The following ESRRB variants were observed in gnomAD, a reference collection of about 807,000 sequenced individuals.
ESRRB encodes steroid hormone receptor ERR2.
In ESRRB, 16 loss-of-function variants were observed where a neutral mutation model predicts 46.0. The ratio of observed to expected loss-of-function variants is 0.35; its 90% CI spans 0.24 to 0.53. The LOEUF (loss-of-function observed/expected upper bound fraction) is 0.53, where lower values mean the gene tolerates loss of function less well. Among genes scored for constraint, ESRRB ranks in the 20% least tolerant of loss-of-function variants. ESRRB has a pLI of 0.93. For missense variants in ESRRB, 488 were observed against 607.4 expected, an observed-to-expected ratio of 0.80 and a Z score of 2.07; for synonymous variants, 246 against 259.6, an observed-to-expected ratio of 0.95 and a Z score of 0.50.
intron 2 of ESRRB, among the ~76,000 whole-genome samples, chr14:76,456,172 A>G (rs1246371100): frequency 6.6e-6 from 1 of 152,160 alleles, no homozygotes; most frequent in East Asian, 1.9e-4. Flanking sequence ...TGAGTCTTCA[A>G]TGCCTGACAC....
intron 1 of ESRRB, among the ~76,000 whole-genome samples, chr14:76,318,846 C>T (rs1452817367): frequency 1.3e-5 from 2 of 152,208 alleles, no homozygotes; most frequent in African/African-American, 4.8e-5. Flanking sequence ...CCCCGGACAG[C>T]TTGCCAGTAT....
chr14:76,374,804 G>T (rs137969226), upstream of ESRRB, among the ~76,000 whole-genome samples: 2 of 152,072 alleles, frequency 1.3e-5, no homozygotes, highest in Non-Finnish European at 2.9e-5. Flanking sequence ...TGAGCCTTGC[G>T]CCCAGAGAAT....
chr14:76,500,647 G>C lies in ESRRB; in HGVS notation c.*2189G>C. On this transcript the variant is annotated 3_prime_UTR_variant, in exon 7 of 7. Coordinates refer to ENST00000644823, the MANE Select transcript of ESRRB (RefSeq NM_001379180.1). ...TTCCTGCTCAAGCTGGAGGACCCAG[G>C]CGGCAGGGCATCATGCCCAGCTGGC... The C allele has an allele frequency of 6.2e-7, 1 of 1,609,106 alleles. No homozygotes were observed. Among genetic ancestry groups the C allele is most frequent in the Non-Finnish European group, 8.5e-7 (1 of 1,175,956 alleles).
intron 1 of ESRRB, among the ~76,000 whole-genome samples, chr14:76,349,713 G>A (rs1398422849): frequency 6.6e-6 from 1 of 152,170 alleles, no homozygotes; most frequent in East Asian, 1.9e-4. Flanking sequence ...GTAGAGGCAG[G>A]TCATTTTGTC....
chr14:76,336,568 C>T (rs1394426098), intron 1 of ESRRB, among the ~76,000 whole-genome samples: 2 of 152,186 alleles, frequency 1.3e-5, no homozygotes, highest in Non-Finnish European at 2.9e-5. Context: ...ATGGCTGGGA[C>T]CTCCTGCTTC....
chr14:76,446,452 T>C (rs1427447445), intron 2 of ESRRB, among the ~76,000 whole-genome samples: 2 of 151,746 alleles, frequency 1.3e-5, no homozygotes, highest in East Asian at 3.9e-4. Context: ...CATAGACAGA[T>C]GAAGGCACCT....
In ESRRB at chr14:76,498,783, C is replaced by T. The variant is rs1049145777; in HGVS notation, c.*325C>T. ...GAGGCCACTGGAGCAAGTGCCCTCT[C>T]CCCTCCACCGAGCCACCAAGAGGCA... is the stretch of plus-strand genomic sequence containing the variant. On this transcript the variant is annotated 3_prime_UTR_variant, in exon 7 of 7. Coordinates refer to ENST00000644823, the MANE Select transcript of ESRRB (RefSeq NM_001379180.1). 2 of 649,818 alleles carry T rather than the reference C, an allele frequency of 3.1e-6. No homozygotes were observed. The highest frequency in any genetic ancestry group is 3.6e-5 in the African/African-American group (2 of 55,288). The allele number at this position is 649,818 out of a possible 1,614,324, so 40.3% of individuals were successfully genotyped here. A position where few individuals can be genotyped will look rare whatever the true frequency, so the allele number is the denominator to read the frequency against.
rs565196416 is a variant in ESRRB, at chr14:76,410,587, G to A, written c.51-28754G>A. Among the ~76,000 whole-genome samples the A allele has an allele frequency of 3.9e-4, 59 of 152,222 alleles. 1 individual carries two copies. Among genetic ancestry groups the A allele is most frequent in the Admixed American group, 2.7e-3 (42 of 15,288 alleles). ...CAGATGGAGAATGGAGGCACAGGTT[G>A]GTTAAGTGCCCACTGGTGAAGGGCC... On this transcript the variant is annotated intron_variant, in intron 1 of 6. Transcript: ENST00000644823.
At chr14:76,375,984 C>T (rs1166718689), upstream of ESRRB, among the ~76,000 whole-genome samples, 1 of 148,980 alleles carries the variant, frequency 6.7e-6, no homozygotes, top group Non-Finnish European at 1.5e-5. Flanking sequence ...GCGCGCTGAG[C>T]GTCTCATTCC....
intron 1 of ESRRB, among the ~76,000 whole-genome samples, chr14:76,377,230 C>T (rs1884809996): frequency 6.6e-6 from 1 of 152,234 alleles, no homozygotes; most frequent in Admixed American, 6.5e-5. Flanking sequence ...CTCTCAGAAA[C>T]CGCGGGTCTC....
intron 3 of ESRRB, among the ~76,000 whole-genome samples, chr14:76,474,572 G>A (rs1889498519): frequency 6.6e-6 from 1 of 152,184 alleles, no homozygotes; most frequent in Non-Finnish European, 1.5e-5. Context: ...CATGTACTGT[G>A]GCTCATGCCT....
At chr14:76,406,717 C>A (rs1886201486) in intron 1 of ESRRB, among the ~76,000 whole-genome samples, 1 of 152,164 alleles carries the variant, frequency 6.6e-6, no homozygotes, top group African/African-American at 2.4e-5. Context: ...GCACTCCAGC[C>A]TGGGCAACAA....
chr14:76,456,185 T>C (rs1025384172), intron 2 of ESRRB, among the ~76,000 whole-genome samples: 1 of 152,190 alleles, frequency 6.6e-6, no homozygotes, highest in African/African-American at 2.4e-5. Context: ...CCTGACACTT[T>C]CTGAGGTTCT....
At chr14:76,356,859 C>A (rs1244455844) in intron 1 of ESRRB, among the ~76,000 whole-genome samples, 1 of 152,236 alleles carries the variant, frequency 6.6e-6, no homozygotes, top group Non-Finnish European at 1.5e-5. Flanking sequence ...TCTTGTCCAA[C>A]TTTATGCTCC....
At chr14:76,409,116 C>G (rs1181888641) in intron 1 of ESRRB, among the ~76,000 whole-genome samples, 1 of 152,218 alleles carries the variant, frequency 6.6e-6, no homozygotes, top group Admixed American at 6.5e-5. Flanking sequence ...CTTCCCCTGA[C>G]AGTTTCTTGG....
chr14:76,481,101 T>G (rs1889788870), intron 3 of ESRRB, among the ~76,000 whole-genome samples: 1 of 152,254 alleles, frequency 6.6e-6, no homozygotes, highest in African/African-American at 2.4e-5. Context: ...TTGGGGCACC[T>G]GCTCTCTGGT....
intron 1 of ESRRB, among the ~76,000 whole-genome samples, chr14:76,344,635 G>C (rs541461498): frequency 5.3e-5 from 8 of 152,314 alleles, no homozygotes; most frequent in African/African-American, 1.9e-4. Context: ...TGGATCACCT[G>C]AGGTCAGGAG....
chr14:76,388,314 G>T (rs924567987), intron 1 of ESRRB, among the ~76,000 whole-genome samples: 1 of 151,922 alleles, frequency 6.6e-6, no homozygotes, highest in African/African-American at 2.4e-5. Flanking sequence ...AAGTAGCTGG[G>T]ACTATAGGCG....
intron 5 of ESRRB, among the ~76,000 whole-genome samples, chr14:76,489,690 T>C (rs1890149733): frequency 6.6e-6 from 1 of 152,180 alleles, no homozygotes; most frequent in African/African-American, 2.4e-5. Flanking sequence ...GTCTGCCTGG[T>C]CAGGGACCTT....
Sources: gnomAD v4.1 joint callset for allele counts (sites outside exome capture counted in the v4.1 genomes callset) on GRCh38, gnomAD v4.1.1 for gene constraint, MANE v1.5 for transcripts, NCBI Gene and HGNC (gene_info 2026-07-23, HGNC 2026-07-21) for gene names.